KIAA1549L: variants seen among roughly 807,000 people sequenced by gnomAD.
KIAA1549L encodes the protein KIAA1549 like, also known as UPF0606 protein KIAA1549L.
Under a neutral mutation model 160.7 loss-of-function variants are expected in KIAA1549L, and 88 were observed. The ratio of observed to expected loss-of-function variants is 0.55; its 90% CI spans 0.46 to 0.65. The LOEUF is 0.65. Among genes scored for constraint, KIAA1549L ranks in the 30% least tolerant of loss-of-function variants. The pLI, the probability that KIAA1549L is intolerant of heterozygous loss-of-function variation, is 0.00. For missense variants in KIAA1549L, 2,258 were observed against 2,437.5 expected, an observed-to-expected ratio of 0.93 and a Z score of 1.55; for synonymous variants, 950 against 976.7, an observed-to-expected ratio of 0.97 and a Z score of 0.51.
In KIAA1549L at chr11:33,559,768, C is replaced by T. The variant is rs757811833; in HGVS notation, c.3875C>T (p.Ala1292Val). ...ATTCAGATTGTGAGCACGTCCAATG[C>T]CTCCCAGGCAGTCACCTTGGTGTAC... ...LTIQIVSTSN[A>V]SQAVTLVYVV... is the part of the protein sequence containing the mutation. Residue 1292 changes from alanine to valine, a missense_variant, in exon 7 of 21, where the codon GCC becomes GTC. Around this residue, in one of 6 missense-constraint regions of KIAA1549L, gnomAD observed 1,359 missense variants for 1,546.6 expected, o/e 0.88. Coordinates refer to ENST00000658780, the MANE Select transcript of KIAA1549L (RefSeq NM_012194.3). 5.6e-6 allele frequency: 9 copies of T among 1,613,822 alleles called. No individual in the cohort carries two copies. The highest frequency in any genetic ancestry group is 1.3e-5 in the African/African-American group (1 of 74,920).
At position 33,564,997 on chromosome 11, in the gene KIAA1549L, T is replaced by C. The variant is rs114847953; in HGVS notation, c.4079-3079T>C. Among the ~76,000 whole-genome samples, 804 of 152,302 alleles carry C rather than the reference T, an allele frequency of 5.3e-3. 4 individuals are homozygous for C. Among genetic ancestry groups the C allele is most frequent in the African/African-American group, 0.019 (775 of 41,564 alleles). ...ATTGAATCTTCTGGACAAAGCTTCA[T>C]TGAACACAGCTGGGGACGTGCCCAG... On this transcript the variant is annotated intron_variant, in intron 8 of 20. Transcript: ENST00000658780.
At position 33,672,405 on chromosome 11, in the gene KIAA1549L, C is replaced by A. The variant is rs74775347; in HGVS notation, c.*4251C>A. ...TTCATCTGCCTATGGGTGAGCCACC[C>A]TGGGGTCAGGTGCCTGTCCAATCAC... On this transcript the variant is annotated 3_prime_UTR_variant, in exon 21 of 21. Coordinates refer to ENST00000658780, the MANE Select transcript of KIAA1549L (RefSeq NM_012194.3). 1 of 152,324 alleles carries A rather than the reference C, an allele frequency of 6.6e-6. No homozygotes were observed. The highest frequency in any genetic ancestry group is 2.4e-5 in the African/African-American group (1 of 41,448). The allele number at this position is 152,324 out of a possible 1,614,324, so 9.4% of individuals were successfully genotyped here.
intron 12 of KIAA1549L, among the ~76,000 whole-genome samples, chr11:33,595,184 AGAT>A (rs1035108039): frequency 6.6e-6 from 1 of 152,210 alleles, no homozygotes; most frequent in African/African-American, 2.4e-5. Context: ...ATACAGATGA[AGAT>A]GATAACACAT....
intron 12 of KIAA1549L, among the ~76,000 whole-genome samples, chr11:33,592,483 G>A (rs897797714): frequency 4.6e-5 from 7 of 152,172 alleles, no homozygotes; most frequent in Non-Finnish European, 8.8e-5. Context: ...CTCCCTTGTT[G>A]CCTGAGACTA....
rs1855640266 is a variant in KIAA1549L, at chr11:33,581,398, TGTG to T, written c.4403-1939_4403-1937del. 1.3e-3 allele frequency among the ~76,000 whole-genome samples: 8 copies of T among 6,212 alleles called. 1 individual carries two copies. In the South Asian group the frequency reaches 0.019, roughly 15 times the overall value. 4.1% of individuals were successfully genotyped at this position (6,212 alleles called of 152,430 possible). A position where few individuals can be genotyped will look rare whatever the true frequency, so the allele number is the denominator to read the frequency against. On this transcript the variant is annotated intron_variant, in intron 10 of 20. Transcript: ENST00000658780. ...TTTGACTTCATTCCTTCTGACAAAT[TGTG>T]TGTGTGTGTGTGTGTGTGTGTGTGT...
At chr11:33,398,613 C>A (rs1850433816) in intron 1 of KIAA1549L, among the ~76,000 whole-genome samples, 1 of 152,076 alleles carries the variant, frequency 6.6e-6, no homozygotes, top group Admixed American at 6.5e-5. Flanking sequence ...TAGAGCTCTG[C>A]AATACTTGCT....
chr11:33,531,263 A>G (rs1853763178), intron 1 of KIAA1549L, among the ~76,000 whole-genome samples: 3 of 152,178 alleles, frequency 2.0e-5, no homozygotes, highest in Admixed American at 6.5e-5. Flanking sequence ...CTTTGAGGTC[A>G]GGAGTTGGAG....
At chr11:33,417,579 G>T (rs940433573) in intron 1 of KIAA1549L, among the ~76,000 whole-genome samples, 1 of 152,020 alleles carries the variant, frequency 6.6e-6, no homozygotes, top group Non-Finnish European at 1.5e-5. Flanking sequence ...CTCCTTGCAG[G>T]GGCTTTGCCA....
intron 1 of KIAA1549L, among the ~76,000 whole-genome samples, chr11:33,492,871 T>TC (rs898597737): frequency 6.6e-6 from 1 of 152,182 alleles, no homozygotes; most frequent in African/African-American, 2.4e-5. Context: ...AACTTTTTTT[T>TC]CTGCTTTGTT....
chr11:33,604,521 A>G (rs1194551275), intron 13 of KIAA1549L, among the ~76,000 whole-genome samples: 3 of 152,230 alleles, frequency 2.0e-5, no homozygotes, highest in Non-Finnish European at 4.4e-5. Context: ...TGTTTATAGC[A>G]GCACAATTCA....
intron 1 of KIAA1549L, among the ~76,000 whole-genome samples, chr11:33,401,020 C>G (rs1850487718): frequency 6.6e-6 from 1 of 152,048 alleles, no homozygotes; most frequent in South Asian, 2.1e-4. Flanking sequence ...ATCTGCCTTT[C>G]CTCTGCCCCA....
In KIAA1549L at chr11:33,574,752, T is replaced by C; in HGVS notation, c.4281T>C (p.Thr1427=). 6.2e-7 allele frequency: 1 copy of C among 1,613,696 alleles called. No homozygotes were observed. The highest frequency in any genetic ancestry group is 8.5e-7 in the Non-Finnish European group (1 of 1,179,700). Residue 1427 remains threonine (T), a synonymous_variant, in exon 10 of 21, where the codon ACT becomes ACC. Transcript: ENST00000658780. ...GCCCGAAGGACCCAGCGGAGCTGAC[T>C]TACTATACCCTGTACAACGGGAAGC... is the stretch of plus-strand genomic sequence containing the variant. The part of the protein sequence containing the change: ...VPGPKDPAEL[T]YYTLYNGKPL...
In KIAA1549L at chr11:33,669,867, G is replaced by A. The variant is rs1004987877; in HGVS notation, c.*1713G>A. The A allele has an allele frequency of 6.6e-6, 1 of 152,150 alleles. No individual in the cohort carries two copies. The highest frequency in any genetic ancestry group is 1.5e-5 in the Non-Finnish European group (1 of 68,038). 9.4% of individuals were successfully genotyped at this position (152,150 alleles called of 1,614,324 possible). ...ATAGGTAGTGTCCTTTTAGTATGCT[G>A]GTTGATCTTTCATAGTGTTAGTGTT... On this transcript the variant is annotated 3_prime_UTR_variant, in exon 21 of 21. Coordinates refer to ENST00000658780, the MANE Select transcript of KIAA1549L (RefSeq NM_012194.3).
chr11:33,560,423 C>G (rs2133217077), intron 7 of KIAA1549L, among the ~76,000 whole-genome samples: 1 of 152,310 alleles, frequency 6.6e-6, no homozygotes, highest in African/African-American at 2.4e-5. Flanking sequence ...CCACTTAGGC[C>G]ATCAGCAAAC....
chr11:33,633,407 G>C (rs1851355428), intron 16 of KIAA1549L, among the ~76,000 whole-genome samples: 1 of 152,008 alleles, frequency 6.6e-6, no homozygotes, highest in Non-Finnish European at 1.5e-5. Context: ...ACAGTCAGAG[G>C]TTCATGTTTT....
At chr11:33,451,367 GA>G (rs1435986647) in intron 1 of KIAA1549L, among the ~76,000 whole-genome samples, 1 of 152,112 alleles carries the variant, frequency 6.6e-6, no homozygotes, top group Non-Finnish European at 1.5e-5. Flanking sequence ...TTATGGGCCC[GA>G]ATCTCAACAA....
intron 6 of KIAA1549L, among the ~76,000 whole-genome samples, chr11:33,556,571 G>A (rs923432924): frequency 6.6e-6 from 1 of 152,162 alleles, no homozygotes; most frequent in South Asian, 2.1e-4. Flanking sequence ...CCTTGAGGAC[G>A]TTTTGCTAAG....
chr11:33,599,740 A>G (rs1405028641), intron 13 of KIAA1549L, among the ~76,000 whole-genome samples: 2 of 152,098 alleles, frequency 1.3e-5, no homozygotes, highest in East Asian at 3.9e-4. Flanking sequence ...TCTCATCTCC[A>G]TGTGGCCCTT....
Position 33,551,224 on chromosome 11 carries a change from A to T in KIAA1549L, c.3686A>T (p.Asn1229Ile). Residue 1229 changes from asparagine to isoleucine, a missense_variant, in exon 5 of 21, where the codon AAT becomes ATT. Asn to Ile is a moderately radical substitution (Grantham distance 149). Transcript: ENST00000658780. ...GTGGCAGTACTTGCCTCCCCATGGA[A>T]TCCCCAGCCTGCAGGCTACTTCCAG... is the stretch of plus-strand genomic sequence containing the variant. ...QSVAVLASPWNPQPAGYFQLK... is the reference protein window; with the variant it reads ...QSVAVLASPWIPQPAGYFQLK... The T allele has an allele frequency of 6.2e-7, 1 of 1,613,626 alleles. No homozygotes were observed. Among genetic ancestry groups the T allele is most frequent in the Non-Finnish European group, 8.5e-7 (1 of 1,179,852 alleles).
Sources: gnomAD v4.1 joint callset for allele counts (sites outside exome capture counted in the v4.1 genomes callset) on GRCh38, gnomAD v4.1.1 for gene constraint, gnomAD v4.1.1 regional missense constraint, MANE v1.5 for transcripts, NCBI Gene and HGNC (gene_info 2026-07-23, HGNC 2026-07-21) for gene names.